Variants in HAUS5 observed in about 807,000 individuals in gnomAD.
HAUS5 encodes the protein HAUS augmin-like complex subunit 5.
Under a neutral mutation model 94.1 loss-of-function variants are expected in HAUS5, and 67 were observed. The observed-to-expected ratio is 0.71, with a 90% CI of 0.58 to 0.87. The LOEUF is 0.87. Among genes scored for constraint, HAUS5 ranks in the 40% least tolerant of loss-of-function variants. HAUS5 has a pLI of 0.00. For synonymous variants in HAUS5, 339 were observed against 355.4 expected (o/e 0.95, Z 0.52); for missense variants, 739 against 825.6 (o/e 0.90, Z 1.29).
chr19:35,622,163 T>C (rs1426232677), intron 17 of HAUS5, among the ~76,000 whole-genome samples: 2 of 151,326 alleles, frequency 1.3e-5, no homozygotes, highest in Non-Finnish European at 2.9e-5. Context: ...CCTTGGAGGG[T>C]TCTAGACAGG....
At chr19:35,616,934 G>A (rs1044441707) in intron 6 of HAUS5, among the ~76,000 whole-genome samples, 190 bp from the exon 7 acceptor site, 7 of 152,204 alleles carry the variant, frequency 4.6e-5, no homozygotes, top group Admixed American at 3.9e-4. Flanking sequence ...AAACAGTCTC[G>A]TGGAGCAAAA....
intron 15 of HAUS5, 94 bp downstream of exon 15, chr19:35,619,852 C>G (rs1599598250): frequency 6.6e-7 from 1 of 1,516,558 alleles, no homozygotes. Context: ...CCCCAGACCC[C>G]CAGTGTTCCC....
chr19:35,614,896 G>C (rs988353735), intron 4 of HAUS5, 146 bp from the exon 5 acceptor site: 4 of 613,010 alleles, frequency 6.5e-6, no homozygotes, highest in African/African-American at 3.7e-5. Flanking sequence ...AGGAGGGAGG[G>C]AGCCAATACC....
rs769968547 is a variant in HAUS5, at chr19:35,617,171, T to C, written c.533T>C (p.Leu178Pro). The C allele has an allele frequency of 5.0e-6, 8 of 1,613,880 alleles. No homozygotes were observed. The East Asian group carries it at 1.6e-4, about 31-fold the overall frequency. Residue 178 changes from leucine (L) to proline (P), a missense_variant, in exon 7 of 19, where the codon CTG (leucine) becomes CCG (proline). Coordinates refer to ENST00000203166, the MANE Select transcript of HAUS5 (RefSeq NM_015302.2). ...VTFGSLTSAALGLEPVVLRDV... is the reference protein window; with the variant it reads ...VTFGSLTSAAPGLEPVVLRDV... ...TTTGGATCCCTCACGTCGGCAGCTC[T>C]GGGCCTGGAGCCCGTGGTCCTGGTA...
At chr19:35,619,129 T>C (rs1967160787) in intron 13 of HAUS5, 80 bp downstream of exon 13, 13 of 1,384,594 alleles carry the variant, frequency 9.4e-6, no homozygotes, top group Non-Finnish European at 5.8e-6. Flanking sequence ...GCCTGAGCCC[T>C]GTGTGGTAGC....
chr19:35,618,485 C>T lies in HAUS5; in HGVS notation c.885+20C>T, dbSNP rs1197049606. On this transcript the variant is annotated intron_variant, in intron 11 of 18. Transcript: ENST00000203166. ...ATCCAGGTGACCCCAGGGCTCGCCT[C>T]CCCACCACATTCCAAGACTTCCTTA... The T allele has an allele frequency of 2.5e-6, 4 of 1,613,966 alleles. No individual in the cohort carries two copies. The highest frequency in any genetic ancestry group is 1.1e-5 in the South Asian group (1 of 91,084).
In HAUS5 at chr19:35,619,721, A is replaced by G. The variant is rs1304498010; in HGVS notation, c.1369A>G (p.Ile457Val). Residue 457 changes from isoleucine to valine, a missense_variant, in exon 15 of 19, where the codon ATT becomes GTT. Coordinates refer to ENST00000203166, the MANE Select transcript of HAUS5 (RefSeq NM_015302.2). ...LEEEVRHLPH[I>V]LLGTLLRHRP... ...GGAGGAAGTCCGGCATTTGCCCCAC[A>G]TTCTGTTGGGCACGCTGCTGCGGCA... 1 of 1,567,510 alleles carries G rather than the reference A, an allele frequency of 6.4e-7. No individual in the cohort carries two copies. Among genetic ancestry groups the G allele is most frequent in the Non-Finnish European group, 8.6e-7 (1 of 1,156,488 alleles).
intron 12 of HAUS5, 75 bp from the exon 13 acceptor site, chr19:35,618,812 T>C: frequency 3.3e-6 from 5 of 1,527,942 alleles, no homozygotes; most frequent in African/African-American, 1.4e-5. Context: ...CCCTGCAGTG[T>C]CTCTCCCTGG....
In HAUS5 at chr19:35,623,112, C is replaced by T; in HGVS notation, c.*119C>T. The stretch of plus-strand genomic sequence containing the variant: ...CCTCGGCAGTCGTCCCCACCCGCAC[C>T]TGCAGTCCCCTCATGTGCTGTTCTG... On this transcript the variant is annotated 3_prime_UTR_variant, in exon 19 of 19. Coordinates refer to ENST00000203166, the MANE Select transcript of HAUS5 (RefSeq NM_015302.2). 1 of 694,762 alleles carries T rather than the reference C, an allele frequency of 1.4e-6. No individual in the cohort carries two copies. Among genetic ancestry groups the T allele is most frequent in the Non-Finnish European group, 2.5e-6 (1 of 401,886 alleles). 43.0% of individuals were successfully genotyped at this position (694,762 alleles called of 1,614,324 possible).
intron 17 of HAUS5, among the ~76,000 whole-genome samples, chr19:35,620,718 CTG>C (rs1336425821): frequency 6.6e-6 from 1 of 152,236 alleles, no homozygotes; most frequent in African/African-American, 2.4e-5. Flanking sequence ...CTCTTCCTAG[CTG>C]TGTGGCCTCC....
Position 35,617,272 on chromosome 19 carries a change from T to C in HAUS5, c.556-15T>C. 1 of 1,611,618 alleles carries C rather than the reference T, an allele frequency of 6.2e-7. No individual in the cohort carries two copies. The stretch of plus-strand genomic sequence containing the variant: ...CTAGGGTCCCCCTCAGGTCCCTTCC[T>C]CCTCTTCTCCCTAGCGTGATGTCCG... On this transcript the variant is annotated splice_polypyrimidine_tract_variant and intron_variant, in intron 7 of 18. Coordinates refer to ENST00000203166, the MANE Select transcript of HAUS5 (RefSeq NM_015302.2).
Position 35,622,747 on chromosome 19 carries a change from G to A in HAUS5, c.1784+14G>A, listed in dbSNP as rs767887257. 5.6e-6 allele frequency: 9 copies of A among 1,613,766 alleles called. No homozygotes were observed. The highest frequency in any genetic ancestry group is 5.3e-5 in the African/African-American group (4 of 74,924). Reference sequence around the variant, plus strand: ...CGTGGGGGACTGGTGAGAGGGGAACGTGCCGCGGATGGGAAACAGAAAAGT... The same window carrying A: ...CGTGGGGGACTGGTGAGAGGGGAACATGCCGCGGATGGGAAACAGAAAAGT... On this transcript the variant is annotated intron_variant, in intron 18 of 18. Coordinates refer to ENST00000203166, the MANE Select transcript of HAUS5 (RefSeq NM_015302.2).
intron 9 of HAUS5, 65 bp from the exon 10 acceptor site, chr19:35,618,006 C>T (rs2146337817): frequency 6.3e-7 from 1 of 1,598,308 alleles, no homozygotes; most frequent in East Asian, 2.2e-5. Flanking sequence ...CAGCCCTATT[C>T]CCATGGGGTC....
chr19:35,613,970 T>TCA (rs2071918217), intron 3 of HAUS5, 65 bp from the exon 4 acceptor site: 4 of 1,607,652 alleles, frequency 2.5e-6, no homozygotes, highest in Non-Finnish European at 3.4e-6. Flanking sequence ...CACCACAGCA[T>TCA]CACACCTATT....
chr19:35,623,853 T>A lies in HAUS5; in HGVS notation c.*860T>A, dbSNP rs1212245236. The A allele has an allele frequency of 6.6e-6, 1 of 152,106 alleles. No individual in the cohort carries two copies. The highest frequency in any genetic ancestry group is 1.5e-5 in the Non-Finnish European group (1 of 68,016). 9.4% of individuals were successfully genotyped at this position (152,106 alleles called of 1,614,324 possible). A position where few individuals can be genotyped will look rare whatever the true frequency, so the allele number is the denominator to read the frequency against. ...AGCGGCGGTGACGCAGGTGTAGAGATTTGTCAGAGCTCATGTAGTTGTAGT... is the reference window on the plus strand; with the variant it reads ...AGCGGCGGTGACGCAGGTGTAGAGAATTGTCAGAGCTCATGTAGTTGTAGT... On this transcript the variant is annotated 3_prime_UTR_variant, in exon 19 of 19. Transcript: ENST00000203166.
chr19:35,618,632 G>A lies in HAUS5; in HGVS notation c.949G>A (p.Val317Ile), dbSNP rs754807718. 1.2e-6 allele frequency: 2 copies of A among 1,608,402 alleles called. No individual in the cohort carries two copies. Among genetic ancestry groups the A allele is most frequent in the South Asian group, 2.2e-5 (2 of 90,810 alleles). Residue 317 changes from valine (V) to isoleucine (I), a missense_variant, in exon 12 of 19, where the codon GTC becomes ATC. Coordinates refer to ENST00000203166, the MANE Select transcript of HAUS5 (RefSeq NM_015302.2). ...GAGCACCCTCCTGAAGGAGCGGCAA[G>A]TCTTGACCCAGCGCCTCCAGGGCCT... ...QRSTLLKERQ[V>I]LTQRLQGLVE...
chr19:35,619,603 T>G lies in HAUS5; in HGVS notation c.1261-10T>G. The G allele has an allele frequency of 6.8e-6, 3 of 444,348 alleles. No homozygotes were observed. Among genetic ancestry groups the G allele is most frequent in the Non-Finnish European group, 7.7e-6 (2 of 258,798 alleles). The allele number at this position is 444,348 out of a possible 1,614,324, so 27.5% of individuals were successfully genotyped here. ...TGTGATGCCCCACCCACCCCTCCCCTTCCCCACAGGTGCTAGCTCTGGTCC... is the reference window on the plus strand; with the variant it reads ...TGTGATGCCCCACCCACCCCTCCCCGTCCCCACAGGTGCTAGCTCTGGTCC... On this transcript the variant is annotated splice_polypyrimidine_tract_variant and intron_variant, in intron 14 of 18. Transcript: ENST00000203166.
At chr19:35,613,626 G>C (rs149064834) in intron 1 of HAUS5, 104 bp from the exon 2 acceptor site, 1 of 866,068 alleles carries the variant, frequency 1.2e-6, no homozygotes, top group Non-Finnish European at 1.8e-6. Context: ...TCCTCAAGAA[G>C]TGAGAACTCC....
In HAUS5 at chr19:35,614,050, C is replaced by G. The variant is rs767392314; in HGVS notation, c.210C>G (p.Asp70Glu). 1.2e-6 allele frequency: 2 copies of G among 1,613,772 alleles called. No homozygotes were observed. Among genetic ancestry groups the G allele is most frequent in the Non-Finnish European group, 1.7e-6 (2 of 1,179,684 alleles). ...RGNLLWYGHQ[D>E]SPQVRRKLEL... ...GTTTTCCTAGGTATGGCCACCAGGACAGTCCACAGGTGAGAAGCATATGCT... is the reference window on the plus strand; with the variant it reads ...GTTTTCCTAGGTATGGCCACCAGGAGAGTCCACAGGTGAGAAGCATATGCT... The change falls in exon 4 of 19, where the codon GAC (aspartate) becomes GAG (glutamate). Residue 70 changes from aspartate (D) to glutamate (E), a missense_variant. By Grantham distance (45) the Asp-to-Glu change is conservative. Transcript: ENST00000203166.
Sources: gnomAD v4.1 joint callset for allele counts (sites outside exome capture counted in the v4.1 genomes callset) on GRCh38, gnomAD v4.1.1 for gene constraint, MANE v1.5 for transcripts, NCBI Gene and HGNC (gene_info 2026-07-23, HGNC 2026-07-21) for gene names.